Variants in DHX57 observed in about 807,000 individuals in gnomAD.
DHX57 encodes DExH-box helicase 57, also known as putative ATP-dependent RNA helicase DHX57.
Under a neutral mutation model 156.2 loss-of-function variants are expected in DHX57, and 105 were observed. The ratio of observed to expected loss-of-function variants is 0.67; its 90% confidence interval spans 0.57 to 0.79. The LOEUF (loss-of-function observed/expected upper bound fraction) is 0.79. Among genes scored for constraint, DHX57 ranks in the 30% least tolerant of loss-of-function variants. The pLI is 0.00. For missense variants in DHX57, 1,847 were observed against 1,661.9 expected (o/e 1.11, Z -1.94); for synonymous variants, 704 against 595.6 (o/e 1.18, Z -2.65).
chr2:38,869,569 A>G (rs1665258958), intron 1 of DHX57, among the ~76,000 whole-genome samples: 1 of 152,270 alleles, frequency 6.6e-6, no homozygotes, highest in Non-Finnish European at 1.5e-5. Flanking sequence ...AAAACAATTC[A>G]GCAATCAACC....
At chr2:38,817,625 T>C (rs1395155034) in intron 19 of DHX57, among the ~76,000 whole-genome samples, 1 of 151,976 alleles carries the variant, frequency 6.6e-6, no homozygotes, top group Non-Finnish European at 1.5e-5. Flanking sequence ...CTCATCACTT[T>C]GGAAGGGCAC....
At chr2:38,870,063 TG>T (rs1237603925) in intron 1 of DHX57, among the ~76,000 whole-genome samples, 2 of 152,018 alleles carry the variant, frequency 1.3e-5, no homozygotes, top group Non-Finnish European at 2.9e-5. Context: ...GTATACTAAT[TG>T]AAATTAAAAA....
chr2:38,836,649 C>G (rs184638995), intron 13 of DHX57, among the ~76,000 whole-genome samples: 1 of 152,012 alleles, frequency 6.6e-6, no homozygotes, highest in East Asian at 1.9e-4. Flanking sequence ...AGGTGCACAC[C>G]TGTAGTCCCA....
intron 23 of DHX57, 106 bp from the exon 24 acceptor site, chr2:38,798,548 T>G: frequency 9.3e-6 from 12 of 1,290,782 alleles, no homozygotes; most frequent in Non-Finnish European, 1.2e-5. Flanking sequence ...TTTCTGGTAC[T>G]AATTTTAACT....
chr2:38,865,750 G>C (rs1033901546), intron 2 of DHX57, among the ~76,000 whole-genome samples: 4 of 152,110 alleles, frequency 2.6e-5, no homozygotes, highest in South Asian at 2.1e-4. Flanking sequence ...TCCAGACTCA[G>C]AACTTTAGCA....
At chr2:38,858,218 C>G (rs755367482) in intron 6 of DHX57, among the ~76,000 whole-genome samples, 6 of 152,246 alleles carry the variant, frequency 3.9e-5, no homozygotes, top group South Asian at 2.1e-4. Context: ...CCTGCCACCA[C>G]GCCCGGCTAA....
intron 17 of DHX57, among the ~76,000 whole-genome samples, chr2:38,821,731 A>G (rs1196917927): frequency 6.6e-6 from 1 of 152,188 alleles, no homozygotes; most frequent in Non-Finnish European, 1.5e-5. Context: ...TTCTCTGAAA[A>G]GACAAAGAAA....
In DHX57 at chr2:38,863,561, T is replaced by G. The variant is rs1271126108; in HGVS notation, c.225-42A>C. On this transcript the variant is annotated intron_variant, in intron 2 of 23. Coordinates refer to ENST00000457308, the MANE Select transcript of DHX57 (RefSeq NM_198963.3). ...AGCAAAATTACACACATATCTTCAA[T>G]CAGAACTTTTACACTCTCCTCAGGG... The G allele has an allele frequency of 5.7e-6, 9 of 1,585,350 alleles. No homozygotes were observed. The African/African-American group carries it at 1.1e-4, about 19-fold the overall frequency.
intron 2 of DHX57, among the ~76,000 whole-genome samples, chr2:38,866,803 G>A (rs1425991555): frequency 6.6e-6 from 1 of 152,238 alleles, no homozygotes; most frequent in African/African-American, 2.4e-5. Flanking sequence ...GCTCACGCCT[G>A]TAATTCCAAC....
chr2:38,800,220 G>C (rs960370739), intron 23 of DHX57, among the ~76,000 whole-genome samples: 1 of 151,776 alleles, frequency 6.6e-6, no homozygotes, highest in African/African-American at 2.4e-5. Context: ...CGGGCTTGGT[G>C]GTGTACGCCT....
intron 16 of DHX57, among the ~76,000 whole-genome samples, chr2:38,824,802 T>C (rs1309654568): frequency 6.6e-6 from 1 of 152,068 alleles, no homozygotes; most frequent in Non-Finnish European, 1.5e-5. Context: ...CGTGCGCCAC[T>C]ATACCTGGCT....
Position 38,861,524 on chromosome 2 carries a change from T to G in DHX57, c.886A>C (p.Asn296His). Reference protein sequence around the residue: ...RKSKPKESTKNVQENSLEICK... With the variant: ...RKSKPKESTKHVQENSLEICK... ...ATTTCAAGTGAATTCTCTTGTACAT[T>G]TTTGGTACTTTCTTTTGGCTTGGAT... is the stretch of plus-strand genomic sequence containing the variant. The change falls in exon 5 of 24, where the codon AAT becomes CAT. Residue 296 changes from asparagine to histidine, a missense_variant. Transcript: ENST00000457308. 1 of 1,614,148 alleles carries G rather than the reference T, an allele frequency of 6.2e-7. No homozygotes were observed. The highest frequency in any genetic ancestry group is 1.3e-5 in the African/African-American group (1 of 75,052).
intron 2 of DHX57, among the ~76,000 whole-genome samples, chr2:38,866,162 C>T (rs1665058903): frequency 6.6e-6 from 1 of 152,182 alleles, no homozygotes; most frequent in South Asian, 2.1e-4. Context: ...CTGATAATAT[C>T]ACACACCCTT....
chr2:38,875,375 C>T (rs917262436), intron 1 of DHX57, among the ~76,000 whole-genome samples: 2 of 152,160 alleles, frequency 1.3e-5, no homozygotes, highest in Non-Finnish European at 2.9e-5. Context: ...ATATATCCAG[C>T]TCCATCCAGA....
At chr2:38,824,249 A>G (rs1355312030) in intron 16 of DHX57, among the ~76,000 whole-genome samples, 1 of 152,230 alleles carries the variant, frequency 6.6e-6, no homozygotes, top group Non-Finnish European at 1.5e-5. Context: ...AAGTGAAATA[A>G]GCCAGTCACA....
chr2:38,827,529 TATATAC>T (rs1385096337), intron 14 of DHX57, among the ~76,000 whole-genome samples: 5 of 52,152 alleles, frequency 9.6e-5, no homozygotes, highest in East Asian at 1.0e-3. Context: ...TATATATATA[TATATAC>T]ACACATACAT....
chr2:38,848,192 C>A, intron 10 of DHX57, 77 bp downstream of exon 10: 1 of 1,371,520 alleles, frequency 7.3e-7, no homozygotes, highest in Non-Finnish European at 9.8e-7. Flanking sequence ...GTATAAATAT[C>A]TACTTATGTC....
intron 10 of DHX57, among the ~76,000 whole-genome samples, chr2:38,847,467 A>C (rs867808759): frequency 2.2e-4 from 33 of 152,188 alleles, no homozygotes; most frequent in Admixed American, 9.2e-4. Flanking sequence ...AAACTGCACT[A>C]TTTTTTATCA....
At chr2:38,875,531 C>CA (rs1005425865) in intron 1 of DHX57, among the ~76,000 whole-genome samples, 2 of 152,334 alleles carry the variant, frequency 1.3e-5, no homozygotes, top group Middle Eastern at 3.4e-3. Context: ...CGCCCCGCCC[C>CA]CCCCGGCCCC....
Sources: allele counts gnomAD v4.1 joint callset (sites outside exome capture counted in the v4.1 genomes callset), GRCh38; gene constraint gnomAD v4.1.1; transcripts MANE v1.5; gene names NCBI Gene and HGNC (gene_info 2026-07-23, HGNC 2026-07-21).